Variants in PROX1 observed in about 807,000 individuals in gnomAD.
The protein encoded by PROX1 is prospero homeobox protein 1.
A neutral mutation model predicts 58.8 loss-of-function variants in PROX1; 7 were observed. The ratio of observed to expected loss-of-function variants is 0.12; its 90% CI spans 0.07 to 0.22. PROX1 has a LOEUF of 0.22. PROX1 is among the 10% of genes least tolerant of loss of function. The pLI, the probability that PROX1 is intolerant of heterozygous loss-of-function variation, is 1.00. For missense variants in PROX1, 675 were observed against 927.8 expected (o/e 0.73, Z 3.54); for synonymous variants, 350 against 358.3 (o/e 0.98, Z 0.26).
chr1:213,993,062 T>A (rs1038893345), intron 1 of PROX1, among the ~76,000 whole-genome samples: 4 of 152,312 alleles, frequency 2.6e-5, no homozygotes, highest in African/African-American at 4.8e-5. Context: ...CTGGGAGGAA[T>A]CTGCTATGTT....
In PROX1 at chr1:213,997,917, A is replaced by G; in HGVS notation, c.1382A>G (p.His461Arg). The change falls in exon 2 of 5, where the codon CAC becomes CGC. Residue 461 changes from histidine to arginine, a missense_variant. Around this residue, in one of 8 missense-constraint regions of PROX1, gnomAD observed 403 missense variants for 477.4 expected, o/e 0.84. Coordinates refer to ENST00000366958, the MANE Select transcript of PROX1 (RefSeq NM_001270616.2). The surrounding 1 kb of genome is among the most constrained non-coding windows in gnomAD (Gnocchi z 7.1). ...TCCGGCCCTGCCGCTGGCGGCCACCACCAGCCCCTGCACCAGTCGCCTCTC... is the reference window on the plus strand; with the variant it reads ...TCCGGCCCTGCCGCTGGCGGCCACCGCCAGCCCCTGCACCAGTCGCCTCTC... Reference protein sequence around the residue: ...SASGPAAGGHHQPLHQSPLSA... With the variant: ...SASGPAAGGHRQPLHQSPLSA... 7 of 1,613,052 alleles carry G rather than the reference A, an allele frequency of 4.3e-6. No individual in the cohort carries two copies. Among genetic ancestry groups the G allele is most frequent in the East Asian group, 2.2e-5 (1 of 44,868 alleles).
At chr1:214,011,745 C>G in intron 4 of PROX1, 30 bp downstream of exon 4, 2 of 1,508,164 alleles carry the variant, frequency 1.3e-6, no homozygotes, top group Non-Finnish European at 1.8e-6. Context: ...TTTTGGTCAT[C>G]TCCCTTTTCC....
chr1:214,016,811 G>A (rs1664113933), intron 4 of PROX1, among the ~76,000 whole-genome samples: 1 of 152,168 alleles, frequency 6.6e-6, no homozygotes, highest in African/African-American at 2.4e-5. Context: ...TTTGTACACT[G>A]TCCTTTTGGG....
At position 214,035,097 on chromosome 1, in the gene PROX1, T is replaced by G. The variant is rs17021829; in HGVS notation, c.2029-552T>G. ...TTACTCCTTTATGTATATAGAATAC[T>G]TTATATTGCAGATTAATATACAACT... On this transcript the variant is annotated intron_variant, in intron 4 of 4. Coordinates refer to ENST00000366958, the MANE Select transcript of PROX1 (RefSeq NM_001270616.2). Among the ~76,000 whole-genome samples, 565 of 152,238 alleles carry G rather than the reference T, an allele frequency of 3.7e-3. 5 individuals are homozygous for G. Among genetic ancestry groups the G allele is most frequent in the African/African-American group, 0.013 (544 of 41,520 alleles).
chr1:213,992,365 T>A (rs1663067721), intron 1 of PROX1, among the ~76,000 whole-genome samples: 1 of 152,122 alleles, frequency 6.6e-6, no homozygotes. Context: ...AGCAGAAATA[T>A]CTCCAATATC....
At chr1:214,033,108 C>G (rs887112100) in intron 4 of PROX1, among the ~76,000 whole-genome samples, 1 of 152,154 alleles carries the variant, frequency 6.6e-6, no homozygotes, top group African/African-American at 2.4e-5. Flanking sequence ...CCCCAGACCT[C>G]CTGTGCAGTT....
intron 4 of PROX1, among the ~76,000 whole-genome samples, chr1:214,019,724 C>T (rs1227765941): frequency 1.3e-5 from 2 of 152,164 alleles, no homozygotes; most frequent in African/African-American, 4.8e-5. Context: ...GGGGCCCTGG[C>T]ACATCTGCAG....
intron 4 of PROX1, among the ~76,000 whole-genome samples, chr1:214,022,577 A>G (rs567037164): frequency 6.6e-6 from 1 of 152,326 alleles, no homozygotes; most frequent in African/African-American, 2.4e-5. Context: ...CTAGCCTGGA[A>G]CAGCTCCAGG....
chr1:214,041,319 C>T lies in PROX1; in HGVS notation c.*5485C>T, dbSNP rs1664999445. ...TTTGGACCTGTATCCAATTGTAGGACAGTAGGCTAGTTGTGCCAGTAATGT... is the reference window on the plus strand; with the variant it reads ...TTTGGACCTGTATCCAATTGTAGGATAGTAGGCTAGTTGTGCCAGTAATGT... On this transcript the variant is annotated 3_prime_UTR_variant, in exon 5 of 5. Coordinates refer to ENST00000366958, the MANE Select transcript of PROX1 (RefSeq NM_001270616.2). 6.6e-6 allele frequency: 1 copy of T among 152,064 alleles called. No homozygotes were observed. Among genetic ancestry groups the T allele is most frequent in the African/African-American group, 2.4e-5 (1 of 41,412 alleles). 9.4% of individuals were successfully genotyped at this position (152,064 alleles called of 1,614,324 possible).
At chr1:214,029,695 G>A (rs781223355) in intron 4 of PROX1, 3 of 152,068 alleles carry the variant, frequency 2.0e-5, no homozygotes, top group African/African-American at 7.2e-5. Flanking sequence ...CTGTTCTTTC[G>A]AGTTCCCTGA....
At chr1:213,984,565 A>G (rs1214567823), upstream of PROX1, 1 of 151,652 alleles carries the variant, frequency 6.6e-6, no homozygotes, top group African/African-American at 2.4e-5. Flanking sequence ...CTTCCCCCCC[A>G]TTCAGAACAA....
rs34640999 is a variant in PROX1, at chr1:214,031,034, CGTGTGT to C, written c.2029-4587_2029-4582del. On this transcript the variant is annotated intron_variant, in intron 4 of 4. Transcript: ENST00000366958. The stretch of plus-strand genomic sequence containing the variant: ...CAAAACAACCACCCACCCAACACAC[CGTGTGT>C]GTGTGTGTGTGTGTGTGTGTGTGTG... 860 of 145,552 alleles carry C rather than the reference CGTGTGT, an allele frequency of 5.9e-3. 3 individuals carry two copies. Among genetic ancestry groups the C allele is most frequent in the African/African-American group, 0.012 (490 of 39,506 alleles). 9.0% of individuals were successfully genotyped at this position (145,552 alleles called of 1,614,324 possible). A position where few individuals can be genotyped will look rare whatever the true frequency, so the allele number is the denominator to read the frequency against.
At chr1:214,015,100 C>A (rs1452743370) in intron 4 of PROX1, among the ~76,000 whole-genome samples, 1 of 152,156 alleles carries the variant, frequency 6.6e-6, no homozygotes, top group Non-Finnish European at 1.5e-5. Flanking sequence ...TGCCAGAATT[C>A]TTGGCACGGT....
At chr1:214,005,387 A>G (rs1384945656) in intron 3 of PROX1, 115 bp downstream of exon 3, 2 of 774,368 alleles carry the variant, frequency 2.6e-6, no homozygotes, top group African/African-American at 3.5e-5. Flanking sequence ...CACCTGTGTT[A>G]TAATTGATTT....
At chr1:214,000,818 T>A (rs1206192526) in intron 2 of PROX1, among the ~76,000 whole-genome samples, 3 of 152,216 alleles carry the variant, frequency 2.0e-5, no homozygotes, top group Admixed American at 6.5e-5. Context: ...CAGTGTGTTC[T>A]TCCCTTGATT....
At chr1:214,033,355 T>C (rs1664724248) in intron 4 of PROX1, among the ~76,000 whole-genome samples, 1 of 152,196 alleles carries the variant, frequency 6.6e-6, no homozygotes, top group African/African-American at 2.4e-5. Flanking sequence ...CTCAGCACTT[T>C]GGGAGGCCAA....
At chr1:214,013,462 CA>C (rs1362401035) in intron 4 of PROX1, among the ~76,000 whole-genome samples, 1 of 152,096 alleles carries the variant, frequency 6.6e-6, no homozygotes, top group Non-Finnish European at 1.5e-5. Flanking sequence ...ATCTGTTTGG[CA>C]GCATACATCA....
chr1:213,997,333 G>A lies in PROX1; in HGVS notation c.798G>A (p.Ser266=). 1.9e-6 allele frequency: 3 copies of A among 1,614,088 alleles called. No homozygotes were observed. Among genetic ancestry groups the A allele is most frequent in the Non-Finnish European group, 2.5e-6 (3 of 1,180,040 alleles). ...ACCAAATCTATGACAGCACTGATTC[G>A]GAAAATGATGAAGATGGTAACCTGT... ...KFYQIYDSTD[S]ENDEDGNLSE... The change falls in exon 2 of 5, where the codon TCG becomes TCA. Residue 266 remains serine (S), a synonymous_variant. Transcript: ENST00000366958. This position sits in a 1 kb window ranked among gnomAD's most constrained non-coding sequence, Gnocchi z 7.1.
At chr1:214,015,346 A>G (rs1664056961) in intron 4 of PROX1, among the ~76,000 whole-genome samples, 1 of 152,130 alleles carries the variant, frequency 6.6e-6, no homozygotes, top group Non-Finnish European at 1.5e-5. Flanking sequence ...GAGATTGGCA[A>G]CAATAAATTT....
Sources: allele counts gnomAD v4.1 joint callset (sites outside exome capture counted in the v4.1 genomes callset), GRCh38; gene constraint gnomAD v4.1.1; regional missense constraint gnomAD v4.1.1; non-coding constraint Gnocchi (gnomAD v3.1); transcripts MANE v1.5; gene names NCBI Gene and HGNC (gene_info 2026-07-23, HGNC 2026-07-21).